DCX: variants seen among roughly 807,000 people sequenced by gnomAD.
The protein encoded by DCX is doublecortin.
In DCX, 4 loss-of-function variants were observed where a neutral mutation model predicts 20.9. The observed-to-expected ratio is 0.19, with a 90% CI of 0.09 to 0.44. The LOEUF is 0.44. Among genes scored for constraint, DCX ranks in the 20% least tolerant of loss-of-function variants. The probability of loss-of-function intolerance (pLI) is 0.99; values close to 1 mark genes in which losing one functional copy is unlikely to be tolerated. For synonymous variants in DCX, 103 were observed against 111.4 expected, an observed-to-expected ratio of 0.92 and a Z score of 0.47; for missense variants, 133 against 296.9, an observed-to-expected ratio of 0.45 and a Z score of 4.06.
chrX:111,379,788 G>A (rs1227607339), intron 3 of DCX, among the ~76,000 whole-genome samples: 1 of 111,552 alleles, frequency 9.0e-6, no homozygotes, highest in Non-Finnish European at 1.9e-5. Flanking sequence ...CTTCCAAAGT[G>A]GCTGCACCAT....
intron 5 of DCX, among the ~76,000 whole-genome samples, chrX:111,316,909 T>A (rs1469362234): frequency 3.6e-5 from 4 of 111,679 alleles, no homozygotes; most frequent in Non-Finnish European, 7.5e-5. Flanking sequence ...AAAACACTTC[T>A]CAAAGAAATC....
intron 5 of DCX, among the ~76,000 whole-genome samples, chrX:111,314,064 G>T (rs2095063882): frequency 8.9e-6 from 1 of 111,938 alleles, no homozygotes; most frequent in Non-Finnish European, 1.9e-5. Context: ...ACCACTTATG[G>T]AAATATTTCC....
chrX:111,301,845 C>A, intron 6 of DCX, 102 bp from the exon 7 acceptor site: 1 of 748,477 alleles, frequency 1.3e-6, no homozygotes. Context: ...ATTTTTACAA[C>A]ATAATAATTA....
In DCX at chrX:111,298,098, G is replaced by A. The variant is rs2095025578; in HGVS notation, c.*3589C>T. The A allele has an allele frequency of 9.0e-6, 1 of 111,709 alleles. No individual in the cohort carries two copies. Among genetic ancestry groups the A allele is most frequent in the Admixed American group, 9.5e-5 (1 of 10,567 alleles). 9.2% of individuals were successfully genotyped at this position (111,709 alleles called of 1,213,427 possible). ...GAAAGTTAGGATGAACAAAGCTATT[G>A]TTCCACTCTTTCTTTTTCTACTCTG... On this transcript the variant is annotated 3_prime_UTR_variant, in exon 7 of 7. Coordinates refer to ENST00000636035, the MANE Select transcript of DCX (RefSeq NM_001195553.2).
At chrX:111,371,933 T>TAC (rs56304092) in intron 3 of DCX, among the ~76,000 whole-genome samples, 1,414 of 97,460 alleles carry the variant, frequency 0.015, 19 homozygotes, top group African/African-American at 0.042. Context: ...GATATATGTG[T>TAC]ACACACACAC....
At chrX:111,329,209 G>T (rs546904838) in intron 5 of DCX, among the ~76,000 whole-genome samples, 5 of 112,115 alleles carry the variant, frequency 4.5e-5, no homozygotes, top group African/African-American at 1.6e-4. Flanking sequence ...ATATAAATTT[G>T]CTTAGATATA....
chrX:111,410,473 C>A, intron 1 of DCX, 53 bp from the exon 2 acceptor site: 2 of 1,184,675 alleles, frequency 1.7e-6, no homozygotes, highest in Non-Finnish European at 1.1e-6. Context: ...CAAAAAGGGA[C>A]AAGGAGAAGG....
chrX:111,397,036 A>T (rs928373980), intron 3 of DCX, among the ~76,000 whole-genome samples: 3 of 111,677 alleles, frequency 2.7e-5, no homozygotes, highest in Non-Finnish European at 5.6e-5. Context: ...TCTAAAAGAC[A>T]CATTCAAACA....
chrX:111,323,257 C>A (rs537636344), intron 5 of DCX, among the ~76,000 whole-genome samples: 4 of 111,947 alleles, frequency 3.6e-5, no homozygotes, highest in African/African-American at 1.3e-4. Context: ...GATTTGTGAT[C>A]CTGGGGCTAA....
At position 111,325,007 on chromosome X, in the gene DCX, G is replaced by A. The variant is rs189159363; in HGVS notation, c.946+5897C>T. 3.5e-3 allele frequency among the ~76,000 whole-genome samples: 396 copies of A among 111,729 alleles called. 3 individuals carry two copies. Among genetic ancestry groups the A allele is most frequent in the African/African-American group, 0.012 (376 of 30,759 alleles). ...GTTTTAGAAGAATCAGATTGGAGGA[G>A]GAACTGGGGAAGTTTTTCTCTTCCC... On this transcript the variant is annotated intron_variant, in intron 5 of 6. Coordinates refer to ENST00000636035, the MANE Select transcript of DCX (RefSeq NM_001195553.2).
At chrX:111,388,121 G>C (rs1926661077) in intron 3 of DCX, among the ~76,000 whole-genome samples, 2 of 111,920 alleles carry the variant, frequency 1.8e-5, no homozygotes, top group Admixed American at 1.9e-4. Flanking sequence ...GGCTAGAGAA[G>C]CCAGACTTTA....
intron 3 of DCX, among the ~76,000 whole-genome samples, chrX:111,394,649 T>C (rs1252053502): frequency 3.6e-5 from 4 of 112,153 alleles, no homozygotes; most frequent in Non-Finnish European, 7.5e-5. Context: ...ACAGCCTGCA[T>C]CCCTGGATAG....
chrX:111,314,915 T>G (rs907374145), intron 5 of DCX, among the ~76,000 whole-genome samples: 1 of 110,225 alleles, frequency 9.1e-6, no homozygotes, highest in African/African-American at 3.4e-5. Context: ...GTAGGTTGCC[T>G]GTTCACTCTG....
chrX:111,330,290 G>A (rs183872391), intron 5 of DCX, among the ~76,000 whole-genome samples: 1 of 112,327 alleles, frequency 8.9e-6, no homozygotes, highest in African/African-American at 3.2e-5. Context: ...ATCAATAGAC[G>A]ACATGTTTTA....
chrX:111,315,278 A>G (rs2095067621), intron 5 of DCX, among the ~76,000 whole-genome samples: 1 of 86,176 alleles, frequency 1.2e-5, no homozygotes, highest in African/African-American at 4.6e-5. Flanking sequence ...GGACATGAAC[A>G]GACACTTCTC....
intron 3 of DCX, among the ~76,000 whole-genome samples, chrX:111,358,315 A>C: frequency 8.9e-6 from 1 of 112,227 alleles, no homozygotes; most frequent in Non-Finnish European, 1.9e-5. Context: ...TCAGAACACC[A>C]TGTTTTGAGA....
Position 111,333,065 on chromosome X carries a change from G to T in DCX, c.794C>A (p.Ser265Tyr). 8.3e-7 allele frequency: 1 copy of T among 1,205,694 alleles called. No homozygotes were observed. Among genetic ancestry groups the T allele is most frequent in the Non-Finnish European group, 1.1e-6 (1 of 890,187 alleles). ...GTTATGCTTACCATTTTCATCCAGA[G>T]AAAAATCATCCTGAGCATAGCGAAA... ...EKFRYAQDDF[S>Y]LDENECRVMK... Residue 265 changes from serine (S) to tyrosine (Y), a missense_variant, in exon 4 of 7, where the codon TCT becomes TAT. Transcript: ENST00000636035.
chrX:111,379,881 A>G (rs1411155173), intron 3 of DCX, among the ~76,000 whole-genome samples: 1 of 110,224 alleles, frequency 9.1e-6, no homozygotes, highest in Admixed American at 9.7e-5. Context: ...TCTCTTTTTT[A>G]TTATCACAAC....
At chrX:111,374,289 A>C (rs950592431) in intron 3 of DCX, among the ~76,000 whole-genome samples, 2 of 112,026 alleles carry the variant, frequency 1.8e-5, no homozygotes, top group African/African-American at 6.5e-5. Context: ...TCTGGATCCC[A>C]TTATTTGCCT....
Sources: allele counts gnomAD v4.1 joint callset (sites outside exome capture counted in the v4.1 genomes callset), GRCh38; gene constraint gnomAD v4.1.1; transcripts MANE v1.5; gene names NCBI Gene and HGNC (gene_info 2026-07-23, HGNC 2026-07-21).